The following MAST2 variants were observed in gnomAD, a reference collection of about 807,000 sequenced individuals.
The protein encoded by MAST2 is microtubule-associated serine/threonine-protein kinase 2.
In MAST2, 70 loss-of-function variants were observed where a neutral mutation model predicts 147.4. The observed-to-expected ratio is 0.47, with a 90% CI of 0.39 to 0.58. MAST2 has a LOEUF of 0.58. Ranked by LOEUF, MAST2 falls within the 20% of genes least tolerant of loss-of-function variation. The probability of loss-of-function intolerance (pLI) is 0.00; values close to 1 mark genes in which losing one functional copy is unlikely to be tolerated. For synonymous variants in MAST2, 869 were observed against 896.8 expected, an observed-to-expected ratio of 0.97 and a Z score of 0.55; for missense variants, 2,080 against 2,302.3, an observed-to-expected ratio of 0.90 and a Z score of 1.98.
intron 4 of MAST2, among the ~76,000 whole-genome samples, chr1:45,944,873 C>T (rs1373225355): frequency 1.3e-5 from 2 of 152,214 alleles, no homozygotes; most frequent in Admixed American, 1.3e-4. Flanking sequence ...GTTGTGAGTT[C>T]TCTTCTTCAC....
chr1:45,898,397 A>G (rs1029450190), intron 4 of MAST2, among the ~76,000 whole-genome samples: 1 of 152,134 alleles, frequency 6.6e-6, no homozygotes, highest in Admixed American at 6.5e-5. Flanking sequence ...CTATTACTCT[A>G]AGGAGGATAT....
At position 46,030,660 on chromosome 1, in the gene MAST2, C is replaced by T. The variant is rs371297252; in HGVS notation, c.2607C>T (p.Pro869=). The T allele has an allele frequency of 6.2e-7, 1 of 1,611,842 alleles. No individual in the cohort carries two copies. Among genetic ancestry groups the T allele is most frequent in the South Asian group, 1.1e-5 (1 of 90,510 alleles). Reference sequence around the variant, plus strand: ...TGCTCGAGGAGCGCCGGACACCACCCCCGACCAAGCGCAGCCTGAGTGAGG... The same window carrying T: ...TGCTCGAGGAGCGCCGGACACCACCTCCGACCAAGCGCAGCCTGAGTGAGG... The part of the protein sequence containing the change: ...LSLLEERRTP[P]PTKRSLSEEK... The change falls in exon 22 of 29, where the codon CCC becomes CCT. Residue 869 remains proline (P), a synonymous_variant. Transcript: ENST00000361297.
chr1:45,929,417 G>A (rs4134386), intron 4 of MAST2, among the ~76,000 whole-genome samples: 67,759 of 151,886 alleles, frequency 0.45, 15,298 homozygotes, highest in East Asian at 0.63. Context: ...GCCCCTTGGA[G>A]TTTGCCATTT....
At chr1:45,939,980 G>GTGTTTTTTT (rs1656939803) in intron 4 of MAST2, among the ~76,000 whole-genome samples, 1 of 97,286 alleles carries the variant, frequency 1.0e-5, no homozygotes, top group East Asian at 3.6e-4. Context: ...TTTATTTAGG[G>GTGTTTTTTT]TTTTTTTTTT....
At chr1:46,009,584 G>C (rs1272316922) in intron 9 of MAST2, among the ~76,000 whole-genome samples, 1 of 152,198 alleles carries the variant, frequency 6.6e-6, no homozygotes, top group Non-Finnish European at 1.5e-5. Flanking sequence ...AAGTTTGCAA[G>C]TATATAATGT....
At position 46,005,373 on chromosome 1, in the gene MAST2, A is replaced by C. The variant is rs546529596; in HGVS notation, c.748-868A>C. ...GCGAAACTCTGTCTCAAAAAAAAAAAAAAAACCCCAGATCATTGATTAGTT... is the reference window on the plus strand; with the variant it reads ...GCGAAACTCTGTCTCAAAAAAAAAACAAAAACCCCAGATCATTGATTAGTT... On this transcript the variant is annotated intron_variant, in intron 7 of 28. Coordinates refer to ENST00000361297, the MANE Select transcript of MAST2 (RefSeq NM_015112.3). 1.4e-3 allele frequency among the ~76,000 whole-genome samples: 218 copies of C among 152,220 alleles called. 4 individuals are homozygous for C. In the South Asian group the frequency reaches 0.042, roughly 29 times the overall value.
intron 4 of MAST2, among the ~76,000 whole-genome samples, chr1:45,888,663 C>CTTTTTTTTTTTTTTTTTTTTTTTTTTTTT (rs71587722): frequency 4.1e-5 from 2 of 48,724 alleles, no homozygotes; most frequent in African/African-American, 7.8e-5. Flanking sequence ...CGCGCGGCCT[C>CTTTTTTTTTTTTTTTTTTTTTTTTTTTTT]TTTTTTTTTT....
chr1:45,871,437 C>CTGGTT (rs1345800967), intron 3 of MAST2, among the ~76,000 whole-genome samples: 2 of 152,130 alleles, frequency 1.3e-5, no homozygotes, highest in African/African-American at 4.8e-5. Context: ...CCATGAAATT[C>CTGGTT]ACTGTAACCA....
chr1:45,993,754 A>G (rs1441187779), intron 5 of MAST2, among the ~76,000 whole-genome samples: 1 of 151,984 alleles, frequency 6.6e-6, no homozygotes, highest in African/African-American at 2.4e-5. Context: ...CAAACTTTAC[A>G]AGGGCCCAGG....
chr1:45,936,660 A>C (rs1656244930), intron 4 of MAST2, among the ~76,000 whole-genome samples: 1 of 152,090 alleles, frequency 6.6e-6, no homozygotes, highest in African/African-American at 2.4e-5. Flanking sequence ...CCAATACCCC[A>C]TGAAAGACTG....
intron 3 of MAST2, among the ~76,000 whole-genome samples, chr1:45,845,039 A>C (rs1383376649): frequency 1.3e-5 from 2 of 152,128 alleles, no homozygotes; most frequent in Admixed American, 1.3e-4. Flanking sequence ...TCATGACTTA[A>C]ACACCTCTCA....
chr1:45,970,883 A>G (rs1000078179), intron 5 of MAST2, among the ~76,000 whole-genome samples: 16 of 149,614 alleles, frequency 1.1e-4, no homozygotes, highest in African/African-American at 3.7e-4. Context: ...TTTACATGCC[A>G]GGCCAGAACT....
intron 4 of MAST2, among the ~76,000 whole-genome samples, chr1:45,904,233 C>T (rs1308072004): frequency 2.0e-5 from 3 of 150,428 alleles, no homozygotes; most frequent in Non-Finnish European, 4.4e-5. Context: ...AGTGTGATGG[C>T]GTGATCTCAG....
intron 4 of MAST2, among the ~76,000 whole-genome samples, chr1:45,948,100 A>C (rs1429363566): frequency 6.6e-6 from 1 of 152,230 alleles, no homozygotes; most frequent in Non-Finnish European, 1.5e-5. Context: ...TAGCATTCCT[A>C]TCCGCCAACA....
chr1:45,810,599 G>T (rs1278044151), intron 1 of MAST2, among the ~76,000 whole-genome samples: 1 of 151,766 alleles, frequency 6.6e-6, no homozygotes, highest in African/African-American at 2.4e-5. Flanking sequence ...ATCACCTAAG[G>T]TTAGGAGTTT....
chr1:45,954,033 T>A (rs78235486), intron 4 of MAST2, among the ~76,000 whole-genome samples: 6,884 of 152,212 alleles, frequency 0.045, 501 homozygotes, highest in African/African-American at 0.15. Context: ...TCCACATTCT[T>A]CTTTATATTG....
chr1:46,019,228 C>T lies in MAST2; in HGVS notation c.1189-368C>T, dbSNP rs145297870. On this transcript the variant is annotated intron_variant, in intron 10 of 28. Coordinates refer to ENST00000361297, the MANE Select transcript of MAST2 (RefSeq NM_015112.3). ...GAAGTACTTTCTGGTCATATGACTC[C>T]TCAGCTTTGAGGTCTTTCTACTCCT... is the stretch of plus-strand genomic sequence containing the variant. Among the ~76,000 whole-genome samples the T allele has an allele frequency of 2.6e-5, 4 of 152,278 alleles. No individual in the cohort carries two copies. In the East Asian group the frequency reaches 5.8e-4, roughly 22 times the overall value.
At chr1:45,856,652 T>C (rs1645800104) in intron 3 of MAST2, among the ~76,000 whole-genome samples, 1 of 152,220 alleles carries the variant, frequency 6.6e-6, no homozygotes, top group Non-Finnish European at 1.5e-5. Context: ...TAATTGGTTT[T>C]AAGTTAGGAG....
At chr1:45,945,664 A>C (rs1311886130) in intron 4 of MAST2, among the ~76,000 whole-genome samples, 2 of 152,228 alleles carry the variant, frequency 1.3e-5, no homozygotes, top group Non-Finnish European at 2.9e-5. Context: ...AACAGATTAA[A>C]GTATGTATTA....
Sources: allele counts gnomAD v4.1 joint callset (sites outside exome capture counted in the v4.1 genomes callset), GRCh38; gene constraint gnomAD v4.1.1; transcripts MANE v1.5; gene names NCBI Gene and HGNC (gene_info 2026-07-23, HGNC 2026-07-21).